The following SCFD1 variants were observed in gnomAD, a reference collection of about 807,000 sequenced individuals.
The protein encoded by SCFD1 is sec1 family domain-containing protein 1.
A neutral mutation model predicts 103.2 loss-of-function variants in SCFD1; 37 were observed. That is an observed-to-expected ratio of 0.36 (90% CI 0.28 to 0.47). The LOEUF (loss-of-function observed/expected upper bound fraction) is 0.47. Among genes scored for constraint, SCFD1 ranks in the 20% least tolerant of loss-of-function variants. The pLI is 1.00. For synonymous variants in SCFD1, 264 were observed against 245.0 expected (o/e 1.08, Z -0.73); for missense variants, 639 against 761.2 (o/e 0.84, Z 1.89).
intron 17 of SCFD1, among the ~76,000 whole-genome samples, chr14:30,705,385 A>G (rs1015999722): frequency 1.3e-5 from 2 of 152,250 alleles, no homozygotes; most frequent in Admixed American, 1.3e-4. Flanking sequence ...CTTTTAAGCC[A>G]TCAAGTCTCT....
At chr14:30,660,719 AG>A (rs1259904476) in intron 10 of SCFD1, among the ~76,000 whole-genome samples, 2 of 152,114 alleles carry the variant, frequency 1.3e-5, no homozygotes, top group African/African-American at 2.4e-5. Context: ...CAATCAATAA[AG>A]TCATTTGTTT....
intron 1 of SCFD1, 27 bp from the exon 2 acceptor site, chr14:30,628,182 A>C (rs746282079): frequency 5.2e-6 from 8 of 1,541,450 alleles, no homozygotes; most frequent in Non-Finnish European, 7.1e-6. Context: ...AACAATGACA[A>C]TATTTGATAA....
At chr14:30,721,267 A>G (rs893748675) in intron 21 of SCFD1, among the ~76,000 whole-genome samples, 4 of 152,088 alleles carry the variant, frequency 2.6e-5, no homozygotes, top group African/African-American at 9.7e-5. Flanking sequence ...TACTTAGGGG[A>G]AAATCTAAGT....
At chr14:30,656,241 A>G (rs895822203) in intron 10 of SCFD1, among the ~76,000 whole-genome samples, 2 of 152,194 alleles carry the variant, frequency 1.3e-5, no homozygotes, top group African/African-American at 2.4e-5. Context: ...GATTACAAGC[A>G]TGAGCCACTG....
At chr14:30,694,932 T>G in intron 15 of SCFD1, 63 bp downstream of exon 15, 1 of 1,539,510 alleles carries the variant, frequency 6.5e-7, no homozygotes, top group African/African-American at 1.4e-5. Context: ...CATTTTCAAT[T>G]GAGTAAACTT....
Position 30,707,971 on chromosome 14 carries a change from C to T in SCFD1, c.1554-19C>T, listed in dbSNP as rs1566649884. The T allele has an allele frequency of 1.3e-6, 2 of 1,578,292 alleles. No homozygotes were observed. Among genetic ancestry groups the T allele is most frequent in the Non-Finnish European group, 1.7e-6 (2 of 1,147,738 alleles). ...GCACTTTGTACTTAGAATGGTCCTT[C>T]TCTTTTGCCCCTACCTAGTCTTTTA... On this transcript the variant is annotated intron_variant, in intron 18 of 24. Coordinates refer to ENST00000458591, the MANE Select transcript of SCFD1 (RefSeq NM_016106.4).
At chr14:30,675,310 T>G (rs1888937729) in intron 14 of SCFD1, 1 of 299,740 alleles carries the variant, frequency 3.3e-6, no homozygotes, top group Admixed American at 5.1e-5. Flanking sequence ...ATTTCTATTA[T>G]ATTGCACTGC....
At chr14:30,735,262 G>A (rs1040231745) in intron 24 of SCFD1, among the ~76,000 whole-genome samples, 5 of 151,722 alleles carry the variant, frequency 3.3e-5, no homozygotes, top group Admixed American at 2.0e-4. Flanking sequence ...TTACTATGAC[G>A]ACGTTTATTG....
chr14:30,722,716 T>C (rs1469477685), intron 23 of SCFD1, 157 bp downstream of exon 23: 8 of 415,500 alleles, frequency 1.9e-5, no homozygotes, highest in Admixed American at 4.3e-5. Context: ...ATTGTTTTCC[T>C]ATTCCTGTCA....
At chr14:30,695,575 A>G (rs796883333) in intron 15 of SCFD1, among the ~76,000 whole-genome samples, 10 of 152,286 alleles carry the variant, frequency 6.6e-5, no homozygotes, top group African/African-American at 1.9e-4. Context: ...GCACTTAACA[A>G]TGGTAAAGAC....
intron 6 of SCFD1, among the ~76,000 whole-genome samples, chr14:30,641,407 AAGTT>A (rs1216544879): frequency 2.0e-5 from 3 of 152,162 alleles, no homozygotes; most frequent in Non-Finnish European, 4.4e-5. Flanking sequence ...ATAAACATAA[AAGTT>A]AGGGTTACTT....
intron 12 of SCFD1, 44 bp from the exon 13 acceptor site, chr14:30,673,880 C>G: frequency 7.6e-7 from 1 of 1,308,218 alleles, no homozygotes; most frequent in South Asian, 1.2e-5. Context: ...TATGCTTGTG[C>G]CTGGGATTTT....
chr14:30,678,050 G>C (rs118142146), intron 14 of SCFD1, among the ~76,000 whole-genome samples: 3,493 of 151,810 alleles, frequency 0.023, 59 homozygotes, highest in Middle Eastern at 0.034. Flanking sequence ...ATGTTGGGCA[G>C]GATGGTCACC....
In SCFD1 at chr14:30,714,083, C is replaced by T. The variant is rs1422711891; in HGVS notation, c.1630-1841C>T. Among the ~76,000 whole-genome samples, 5 of 151,600 alleles carry T rather than the reference C, an allele frequency of 3.3e-5. No individual in the cohort carries two copies. In the East Asian group the frequency reaches 9.7e-4, roughly 29 times the overall value. On this transcript the variant is annotated intron_variant, in intron 19 of 24. Transcript: ENST00000458591. ...AAAATTTTGGCCGGGCGCGGTGGCT[C>T]ACGCCTGTAATCCCAGCACTTTGGG...
chr14:30,679,927 T>C (rs1889339074), intron 14 of SCFD1, among the ~76,000 whole-genome samples: 1 of 152,186 alleles, frequency 6.6e-6, no homozygotes, highest in African/African-American at 2.4e-5. Context: ...GTGGATGAGC[T>C]ATCACTTGTC....
chr14:30,678,496 T>A (rs375262166), intron 14 of SCFD1, among the ~76,000 whole-genome samples: 1 of 152,222 alleles, frequency 6.6e-6, no homozygotes, highest in Non-Finnish European at 1.5e-5. Flanking sequence ...ACCCTTTCTT[T>A]AGTTGTTTTT....
At chr14:30,708,183 C>T (rs1891604825) in intron 19 of SCFD1, 118 bp downstream of exon 19, 2 of 675,982 alleles carry the variant, frequency 3.0e-6, no homozygotes, top group Non-Finnish European at 5.1e-6. Context: ...ATCATAAAAT[C>T]AAGGAGTTCC....
chr14:30,734,057 A>G (rs149407866), intron 23 of SCFD1, among the ~76,000 whole-genome samples: 79 of 152,318 alleles, frequency 5.2e-4, no homozygotes, highest in African/African-American at 1.8e-3. Flanking sequence ...ATGGCCATCT[A>G]GGACATGTAT....
At chr14:30,683,302 G>T in intron 14 of SCFD1, 2 of 792,206 alleles carry the variant, frequency 2.5e-6, no homozygotes, top group Non-Finnish European at 2.0e-6. Flanking sequence ...GTAGCAGGGT[G>T]TGAGGAATTT....
Sources: gnomAD v4.1 joint callset for allele counts (sites outside exome capture counted in the v4.1 genomes callset) on GRCh38, gnomAD v4.1.1 for gene constraint, MANE v1.5 for transcripts, NCBI Gene and HGNC (gene_info 2026-07-23, HGNC 2026-07-21) for gene names.